Variants in SGCZ observed in about 807,000 individuals in gnomAD.
The protein encoded by SGCZ is sarcoglycan zeta, also known as zeta-sarcoglycan.
Under a neutral mutation model 41.3 loss-of-function variants are expected in SGCZ, and 40 were observed. The observed-to-expected ratio is 0.97, with a 90% CI of 0.75 to 1.26. The LOEUF is 1.26. Among genes scored for constraint, SGCZ ranks in the 50% most tolerant of loss-of-function variants. The pLI is 0.00. For missense variants in SGCZ, 552 were observed against 369.8 expected (o/e 1.49, Z -4.04); for synonymous variants, 206 against 137.5 (o/e 1.50, Z -3.49).
chr8:14,304,643 C>T (rs951221037), intron 3 of SGCZ, among the ~76,000 whole-genome samples: 1 of 152,156 alleles, frequency 6.6e-6, no homozygotes, highest in Admixed American at 6.5e-5. Context: ...ATAAATATCG[C>T]TCAGGTTTAT....
intron 1 of SGCZ, among the ~76,000 whole-genome samples, chr8:14,758,989 C>T (rs959692921): frequency 4.4e-5 from 6 of 135,532 alleles, no homozygotes; most frequent in Non-Finnish European, 9.2e-5. Context: ...GCCTGGGCAA[C>T]AGGAGTGAAA....
chr8:15,037,371 A>T (rs1270255786), intron 1 of SGCZ, among the ~76,000 whole-genome samples: 1 of 152,212 alleles, frequency 6.6e-6, no homozygotes, highest in Non-Finnish European at 1.5e-5. Context: ...CTTCAGCCAG[A>T]ATTATAAGTT....
At chr8:15,160,474 G>A (rs919958123) in intron 1 of SGCZ, among the ~76,000 whole-genome samples, 3 of 152,134 alleles carry the variant, frequency 2.0e-5, no homozygotes, top group African/African-American at 7.2e-5. Context: ...ATTTTGAACA[G>A]GAGTCAGTCC....
intron 1 of SGCZ, among the ~76,000 whole-genome samples, chr8:14,996,639 A>G (rs1400188345): frequency 6.6e-6 from 1 of 152,190 alleles, no homozygotes; most frequent in Non-Finnish European, 1.5e-5. Flanking sequence ...GTTATAACCA[A>G]GAGGCTGTGT....
chr8:14,798,902 A>T, intron 1 of SGCZ, among the ~76,000 whole-genome samples: 1 of 148,650 alleles, frequency 6.7e-6, no homozygotes, highest in East Asian at 2.1e-4. Flanking sequence ...TATGTTACAT[A>T]ATTAATAAAA....
At chr8:14,799,840 T>G (rs932369170) in intron 1 of SGCZ, among the ~76,000 whole-genome samples, 1 of 152,136 alleles carries the variant, frequency 6.6e-6, no homozygotes, top group African/African-American at 2.4e-5. Context: ...CTAGCAAATG[T>G]AGTCTTATAG....
intron 1 of SGCZ, among the ~76,000 whole-genome samples, chr8:15,197,804 CA>C (rs1450809310): frequency 6.6e-6 from 1 of 151,774 alleles, no homozygotes; most frequent in Non-Finnish European, 1.5e-5. Flanking sequence ...ACTTATTTGC[CA>C]ATTGTTATTT....
intron 1 of SGCZ, among the ~76,000 whole-genome samples, chr8:14,972,347 GTTGA>G (rs1330040519): frequency 7.2e-5 from 11 of 151,870 alleles, no homozygotes; most frequent in Admixed American, 5.9e-4. Flanking sequence ...CTGTTTATTA[GTTGA>G]TTGATTTTCT....
At chr8:14,905,888 C>T (rs982084707) in intron 1 of SGCZ, among the ~76,000 whole-genome samples, 5 of 151,622 alleles carry the variant, frequency 3.3e-5, no homozygotes, top group African/African-American at 1.2e-4. Flanking sequence ...CACACATACA[C>T]CTATGTATAC....
At chr8:14,714,057 T>A (rs561069894) in intron 1 of SGCZ, among the ~76,000 whole-genome samples, 1 of 152,264 alleles carries the variant, frequency 6.6e-6, no homozygotes, top group South Asian at 2.1e-4. Flanking sequence ...AACCTCTGCC[T>A]CCTTGGTTGA....
intron 1 of SGCZ, among the ~76,000 whole-genome samples, chr8:15,028,736 C>G (rs528138081): frequency 6.6e-6 from 1 of 151,976 alleles, no homozygotes; most frequent in Non-Finnish European, 1.5e-5. Context: ...TTTCTGGATG[C>G]GAGAGATAGG....
intron 1 of SGCZ, among the ~76,000 whole-genome samples, chr8:14,670,013 G>T (rs772330682): frequency 6.6e-6 from 1 of 152,102 alleles, no homozygotes; most frequent in African/African-American, 2.4e-5. Context: ...TATTTTGGAA[G>T]CAATAACTAA....
At chr8:14,231,531 C>T (rs527625131) in intron 4 of SGCZ, among the ~76,000 whole-genome samples, 33 of 151,874 alleles carry the variant, frequency 2.2e-4, no homozygotes, top group African/African-American at 7.0e-4. Context: ...GACACACACA[C>T]ACCATGTCTT....
intron 2 of SGCZ, among the ~76,000 whole-genome samples, chr8:14,433,817 C>A (rs1341528026): frequency 6.6e-6 from 1 of 152,072 alleles, no homozygotes; most frequent in Admixed American, 6.6e-5. Flanking sequence ...CTGAAATGTC[C>A]GTTTTGGAAA....
At chr8:14,150,142 A>C (rs762511646) in intron 5 of SGCZ, among the ~76,000 whole-genome samples, 6 of 152,166 alleles carry the variant, frequency 3.9e-5, no homozygotes, top group Non-Finnish European at 7.4e-5. Flanking sequence ...AATACCTGAC[A>C]AGCACAGACA....
intron 1 of SGCZ, among the ~76,000 whole-genome samples, chr8:14,880,274 A>C (rs955552372): frequency 6.6e-6 from 1 of 152,186 alleles, no homozygotes; most frequent in Admixed American, 6.5e-5. Flanking sequence ...CACCAGTTAG[A>C]ATGGTGATCA....
chr8:14,477,071 C>T (rs897045000), intron 2 of SGCZ, among the ~76,000 whole-genome samples: 13 of 152,044 alleles, frequency 8.6e-5, no homozygotes, highest in African/African-American at 3.1e-4. Flanking sequence ...TTAATTAAAC[C>T]CTACTTATTC....
At chr8:14,235,633 A>G (rs1013982467) in intron 4 of SGCZ, among the ~76,000 whole-genome samples, 3 of 152,162 alleles carry the variant, frequency 2.0e-5, no homozygotes, top group African/African-American at 7.2e-5. Context: ...ATAGGCGGGC[A>G]TTAAGTAGCT....
intron 1 of SGCZ, among the ~76,000 whole-genome samples, chr8:15,068,140 G>A (rs1247169140): frequency 3.3e-5 from 5 of 152,090 alleles, no homozygotes; most frequent in Admixed American, 2.0e-4. Context: ...ACTCTTATAA[G>A]GAAAGTTGGA....
Sources: gnomAD v4.1 joint callset for allele counts (sites outside exome capture counted in the v4.1 genomes callset) on GRCh38, gnomAD v4.1.1 for gene constraint, MANE v1.5 for transcripts, NCBI Gene and HGNC (gene_info 2026-07-23, HGNC 2026-07-21) for gene names.